The following CYRIA variants were observed in gnomAD, a reference collection of about 807,000 sequenced individuals.
CYRIA encodes the protein CYFIP related Rac1 interactor A.
Under a neutral mutation model 43.9 loss-of-function variants are expected in CYRIA, and 15 were observed. The observed-to-expected ratio is 0.34, with a 90% CI of 0.23 to 0.53. CYRIA has a LOEUF of 0.53. CYRIA is among the 20% of genes least tolerant of loss of function. The pLI is 0.94. For synonymous variants in CYRIA, 117 were observed against 136.0 expected, an observed-to-expected ratio of 0.86 and a Z score of 0.97; for missense variants, 236 against 394.2, an observed-to-expected ratio of 0.60 and a Z score of 3.40.
intron 1 of CYRIA, among the ~76,000 whole-genome samples, chr2:16,633,653 T>C (rs1224109464): frequency 6.9e-6 from 1 of 145,478 alleles, no homozygotes; most frequent in Non-Finnish European, 1.5e-5. Context: ...GGTGCTGGGA[T>C]TACAGGCATG....
chr2:16,592,765 C>G (rs1293677146), intron 2 of CYRIA, among the ~76,000 whole-genome samples: 1 of 152,052 alleles, frequency 6.6e-6, no homozygotes, highest in Admixed American at 6.5e-5. Flanking sequence ...TCTTGACTCT[C>G]TCTTAGCTAT....
At chr2:16,646,384 C>A (rs1175583145) in intron 1 of CYRIA, among the ~76,000 whole-genome samples, 1 of 152,122 alleles carries the variant, frequency 6.6e-6, no homozygotes, top group South Asian at 2.1e-4. Flanking sequence ...AAGAATGCTG[C>A]CTGTTTAGTT....
At chr2:16,554,103 C>A (rs764814368) in intron 11 of CYRIA, among the ~76,000 whole-genome samples, 1 of 151,958 alleles carries the variant, frequency 6.6e-6, no homozygotes, top group African/African-American at 2.4e-5. Context: ...ATCACCCTTA[C>A]CTCTCTGACT....
At chr2:16,555,023 G>GA in intron 11 of CYRIA, 46 bp downstream of exon 11, 1 of 1,547,762 alleles carries the variant, frequency 6.5e-7, no homozygotes, top group Non-Finnish European at 8.9e-7. Context: ...CAATGGCCCT[G>GA]AAAGGCTGGC....
Position 16,600,075 on chromosome 2 carries a change from A to G in CYRIA, c.-10-11946T>C, listed in dbSNP as rs575072991. On this transcript the variant is annotated intron_variant, in intron 2 of 11. Transcript: ENST00000381323. ...CTGGCCAGATTTTACTTTTTAACCA[A>G]ACAGTTGTGTCTATGTGTACCCCAT... 2.6e-4 allele frequency among the ~76,000 whole-genome samples: 40 copies of G among 152,280 alleles called. 1 individual carries two copies. The highest frequency in any genetic ancestry group is 8.4e-4 in the African/African-American group (35 of 41,552).
rs186164585 is a variant in CYRIA, at chr2:16,593,686, T to G, written c.-10-5557A>C. Among the ~76,000 whole-genome samples the G allele has an allele frequency of 6.2e-3, 842 of 135,412 alleles. 30 individuals carry two copies. In the East Asian group the frequency reaches 0.11, roughly 17 times the overall value. The allele number at this position is 135,412 out of a possible 152,430, so 88.8% of individuals were successfully genotyped here. ...TCATCAAAGATTTAACTTTATTTTT[T>G]TGTGTGTGTGTGTTTTTTTTTGTGT... On this transcript the variant is annotated intron_variant, in intron 2 of 11. Transcript: ENST00000381323.
intron 2 of CYRIA, among the ~76,000 whole-genome samples, chr2:16,593,262 T>A (rs1463017444): frequency 6.6e-6 from 1 of 152,180 alleles, no homozygotes; most frequent in African/African-American, 2.4e-5. Context: ...TGTCCTAAGA[T>A]TCATGGTCCT....
intron 2 of CYRIA, among the ~76,000 whole-genome samples, chr2:16,603,063 AT>A (rs984764840): frequency 3.1e-4 from 47 of 152,112 alleles, no homozygotes; most frequent in African/African-American, 1.1e-3. Context: ...CTAATCACAA[AT>A]CTGAGATACT....
intron 1 of CYRIA, among the ~76,000 whole-genome samples, chr2:16,628,603 G>A (rs1000815800): frequency 2.0e-5 from 3 of 152,208 alleles, no homozygotes; most frequent in Admixed American, 1.3e-4. Flanking sequence ...TCATCCAAAC[G>A]AGGATACCTC....
At chr2:16,617,759 G>C (rs1490015446) in intron 2 of CYRIA, among the ~76,000 whole-genome samples, 3 of 152,226 alleles carry the variant, frequency 2.0e-5, no homozygotes, top group African/African-American at 7.2e-5. Context: ...TCCACACCAG[G>C]GTCCTGCCAG....
intron 1 of CYRIA, among the ~76,000 whole-genome samples, chr2:16,649,969 AAG>A: frequency 6.6e-6 from 1 of 152,330 alleles, no homozygotes; most frequent in South Asian, 2.1e-4. Context: ...AAGTTTCAAC[AAG>A]AGTCTCAAGT....
At chr2:16,616,776 G>T (rs1558428704) in intron 2 of CYRIA, among the ~76,000 whole-genome samples, 1 of 152,202 alleles carries the variant, frequency 6.6e-6, no homozygotes, top group African/African-American at 2.4e-5. Flanking sequence ...AGTGCCCCAG[G>T]CACTTTTCCA....
intron 1 of CYRIA, among the ~76,000 whole-genome samples, chr2:16,661,058 G>T (rs771944757): frequency 3.9e-5 from 6 of 152,174 alleles, no homozygotes; most frequent in Non-Finnish European, 5.9e-5. Context: ...CAAAGCGGAA[G>T]GACTGCTTGA....
intron 3 of CYRIA, among the ~76,000 whole-genome samples, chr2:16,579,395 G>A (rs1410425508): frequency 6.7e-6 from 1 of 148,914 alleles, no homozygotes; most frequent in African/African-American, 2.5e-5. Context: ...AAATATGAAG[G>A]CCTTATTAAA....
intron 3 of CYRIA, among the ~76,000 whole-genome samples, chr2:16,581,321 A>G (rs1489895126): frequency 1.3e-5 from 2 of 152,184 alleles, no homozygotes; most frequent in Non-Finnish European, 2.9e-5. Context: ...TAGATAAGCA[A>G]CTATACAATA....
At chr2:16,651,756 T>G (rs1669981239) in intron 1 of CYRIA, among the ~76,000 whole-genome samples, 2 of 152,188 alleles carry the variant, frequency 1.3e-5, no homozygotes, top group Admixed American at 1.3e-4. Context: ...AATTAACTTT[T>G]TATTATTTTA....
At chr2:16,565,496 G>A in intron 4 of CYRIA, 150 bp downstream of exon 4, 9 of 980,022 alleles carry the variant, frequency 9.2e-6, no homozygotes, top group Non-Finnish European at 1.2e-5. Flanking sequence ...CATGCATTTT[G>A]TTTTTAAGGA....
chr2:16,559,609 G>T, intron 9 of CYRIA, 23 bp from the exon 10 acceptor site: 2 of 1,608,470 alleles, frequency 1.2e-6, no homozygotes, highest in Non-Finnish European at 1.7e-6. Flanking sequence ...AAACAGCAGT[G>T]GCGTCACTTC....
chr2:16,620,349 C>T (rs1668952981), intron 2 of CYRIA, among the ~76,000 whole-genome samples: 1 of 152,148 alleles, frequency 6.6e-6, no homozygotes, highest in African/African-American at 2.4e-5. Context: ...ATGTTCTAAC[C>T]ATTTCACAGC....
Sources: gnomAD v4.1 joint callset for allele counts (sites outside exome capture counted in the v4.1 genomes callset) on GRCh38, gnomAD v4.1.1 for gene constraint, MANE v1.5 for transcripts, NCBI Gene and HGNC (gene_info 2026-07-23, HGNC 2026-07-21) for gene names.